The following NF1 variants were observed in gnomAD, a reference collection of about 807,000 sequenced individuals.
NF1 encodes the protein neurofibromin.
Under a neutral mutation model 325.7 loss-of-function variants are expected in NF1, and 122 were observed. The observed-to-expected ratio is 0.37, with a 90% CI of 0.32 to 0.44. The LOEUF (loss-of-function observed/expected upper bound fraction) is 0.44. Ranked by LOEUF, NF1 falls within the 20% of genes least tolerant of loss-of-function variation. The pLI is 1.00. For missense variants in NF1, 2,140 were observed against 3,415.4 expected, an observed-to-expected ratio of 0.63 and a Z score of 9.31; for synonymous variants, 1,091 against 1,186.0, an observed-to-expected ratio of 0.92 and a Z score of 1.65.
chr17:31,275,720 A>G (rs1490471554), intron 36 of NF1, among the ~76,000 whole-genome samples: 2 of 152,192 alleles, frequency 1.3e-5, no homozygotes, highest in Non-Finnish European at 2.9e-5. Flanking sequence ...AGCACCTTTT[A>G]TACGATCCTT....
intron 1 of NF1, among the ~76,000 whole-genome samples, chr17:31,152,480 T>C (rs898239360): frequency 6.7e-6 from 1 of 149,652 alleles, no homozygotes; most frequent in East Asian, 1.9e-4. Flanking sequence ...TGTCACTTTA[T>C]TGTAAATTTT....
chr17:31,220,299 A>C (rs2066899658), intron 14 of NF1, among the ~76,000 whole-genome samples: 1 of 152,214 alleles, frequency 6.6e-6, no homozygotes, highest in South Asian at 2.1e-4. Flanking sequence ...ATATTTTAGC[A>C]CTTACTACGT....
intron 5 of NF1, among the ~76,000 whole-genome samples, chr17:31,176,947 C>T (rs576613020): frequency 2.0e-5 from 3 of 152,168 alleles, no homozygotes; most frequent in Non-Finnish European, 4.4e-5. Flanking sequence ...GTGATTCCTC[C>T]AGCTTTGTTC....
intron 14 of NF1, among the ~76,000 whole-genome samples, chr17:31,220,328 T>G (rs1257904529): frequency 6.6e-6 from 1 of 152,206 alleles, no homozygotes; most frequent in Non-Finnish European, 1.5e-5. Context: ...CTTCCATTTG[T>G]GTACATTGCT....
At chr17:31,290,850 A>T (rs2068330780) in intron 36 of NF1, among the ~76,000 whole-genome samples, 1 of 152,058 alleles carries the variant, frequency 6.6e-6, no homozygotes, top group South Asian at 2.1e-4. Flanking sequence ...TACTAAAAAT[A>T]CAAAAATTAG....
chr17:31,189,247 T>G (rs985183193), intron 8 of NF1, among the ~76,000 whole-genome samples: 9 of 152,174 alleles, frequency 5.9e-5, no homozygotes, highest in African/African-American at 2.2e-4. Flanking sequence ...TTGGTTTCAT[T>G]TTTAAACTTT....
chr17:31,329,912 G>A (rs1194867982), intron 38 of NF1, among the ~76,000 whole-genome samples: 3 of 152,100 alleles, frequency 2.0e-5, no homozygotes, highest in African/African-American at 7.2e-5. Context: ...ACCAGAATTT[G>A]AGTTTTGGCT....
rs2151553511 is a variant in NF1 at position 31,336,441 on chromosome 17, G to C, written c.6115G>C (p.Ala2039Pro). 1 of 1,614,062 alleles carries C rather than the reference G, an allele frequency of 6.2e-7. No homozygotes were observed. Among genetic ancestry groups the C allele is most frequent in the Non-Finnish European group, 8.5e-7 (1 of 1,180,006 alleles). ...GATGGCAGATACTGCTGTAGCTTTG[G>C]CTTCTGGAAATGTGAAATTGGTTTC... ...EVMADTAVAL[A>P]SGNVKLVSSK... Residue 2039 changes from alanine (A) to proline (P), a missense_variant, in exon 41 of 58, where the codon GCT becomes CCT. Transcript: ENST00000358273. This position sits in a 1 kb window ranked among gnomAD's most constrained non-coding sequence, Gnocchi z 5.5.
At chr17:31,276,837 T>G (rs976331692) in intron 36 of NF1, among the ~76,000 whole-genome samples, 1 of 152,148 alleles carries the variant, frequency 6.6e-6, no homozygotes, top group African/African-American at 2.4e-5. Context: ...GTTCCAATGA[T>G]GTACAATCGA....
intron 2 of NF1, 55 bp from the exon 3 acceptor site, chr17:31,158,955 G>T: frequency 9.6e-7 from 1 of 1,038,792 alleles, no homozygotes; most frequent in Non-Finnish European, 1.5e-6. Context: ...GATGTGTGTT[G>T]ATTGGTAGCA....
chr17:31,292,666 A>G (rs924069643), intron 36 of NF1, among the ~76,000 whole-genome samples: 2 of 152,218 alleles, frequency 1.3e-5, no homozygotes, highest in Non-Finnish European at 2.9e-5. Flanking sequence ...TCTTCTGTCT[A>G]AGAACTTAGA....
At chr17:31,129,564 G>T (rs1915175984) in intron 1 of NF1, among the ~76,000 whole-genome samples, 1 of 151,332 alleles carries the variant, frequency 6.6e-6, no homozygotes, top group Non-Finnish European at 1.5e-5. Flanking sequence ...TGAGTTGCTG[G>T]GATTGCAGGT....
intron 34 of NF1, among the ~76,000 whole-genome samples, chr17:31,260,736 T>C (rs542939243): frequency 6.6e-6 from 1 of 152,260 alleles, no homozygotes; most frequent in East Asian, 1.9e-4. Flanking sequence ...ATTATTATTA[T>C]TTTTTTGTCA....
At chr17:31,289,905 G>A (rs561910712) in intron 36 of NF1, among the ~76,000 whole-genome samples, 83 of 151,000 alleles carry the variant, frequency 5.5e-4, no homozygotes, top group Non-Finnish European at 1.2e-4. Flanking sequence ...CTTCCCCATC[G>A]TTGGTTTTTT....
chr17:31,305,628 T>TA (rs1428572797), intron 36 of NF1: 1 of 1,602,442 alleles, frequency 6.2e-7, no homozygotes, highest in Non-Finnish European at 8.5e-7. Context: ...ATTTCCTCGT[T>TA]ATCTATAGCG....
intron 36 of NF1, among the ~76,000 whole-genome samples, chr17:31,309,293 C>G (rs1165281341): frequency 6.6e-6 from 1 of 152,144 alleles, no homozygotes; most frequent in Non-Finnish European, 1.5e-5. Context: ...CTTCTTGATT[C>G]CTTTCCATTT....
intron 1 of NF1, among the ~76,000 whole-genome samples, chr17:31,131,158 T>G (rs1180210733): frequency 6.6e-6 from 1 of 152,200 alleles, no homozygotes; most frequent in Non-Finnish European, 1.5e-5. Flanking sequence ...CCTTGGGGGA[T>G]GGGCACTCCT....
chr17:31,293,208 A>AAAAAG (rs2068385302), intron 36 of NF1, among the ~76,000 whole-genome samples: 6 of 138,530 alleles, frequency 4.3e-5, no homozygotes, highest in Non-Finnish European at 9.1e-5. Context: ...AAAAAAAAAA[A>AAAAAG]AAAGAAACCT....
At position 31,310,560 on chromosome 17, in the gene NF1, G is replaced by T. The variant is rs60196569; in HGVS notation, c.4836-15260G>T. 7.8e-3 allele frequency among the ~76,000 whole-genome samples: 1,194 copies of T among 152,136 alleles called. 21 individuals carry two copies. Among genetic ancestry groups the T allele is most frequent in the African/African-American group, 0.028 (1,144 of 41,504 alleles). ...TGCTTTCTAAAATGGAGGACCAGAA[G>T]GAACCATCCTTTCAAATTCATTTAC... On this transcript the variant is annotated intron_variant, in intron 36 of 57. Coordinates refer to ENST00000358273, the MANE Select transcript of NF1 (RefSeq NM_001042492.3).
Sources: gnomAD v4.1 joint callset for allele counts (sites outside exome capture counted in the v4.1 genomes callset) on GRCh38, gnomAD v4.1.1 for gene constraint, Gnocchi (gnomAD v3.1) non-coding constraint, MANE v1.5 for transcripts, NCBI Gene and HGNC (gene_info 2026-07-23, HGNC 2026-07-21) for gene names.